ZBTB7C: variants seen among roughly 807,000 people sequenced by gnomAD.
ZBTB7C encodes zinc finger and BTB domain-containing protein 7C.
A neutral mutation model predicts 25.7 loss-of-function variants in ZBTB7C; 8 were observed. That is an observed-to-expected ratio of 0.31 (90% CI 0.18 to 0.56). The LOEUF (loss-of-function observed/expected upper bound fraction) is 0.56, where lower values mean the gene tolerates loss of function less well. Among genes scored for constraint, ZBTB7C ranks in the 20% least tolerant of loss-of-function variants. The pLI is 0.91. For synonymous variants in ZBTB7C, 394 were observed against 369.0 expected (o/e 1.07, Z -0.78); for missense variants, 824 against 855.2 (o/e 0.96, Z 0.46).
At position 48,145,913 on chromosome 18, in the gene ZBTB7C, T is replaced by G. The variant is rs190674995; in HGVS notation, c.-17+40021A>C. Among the ~76,000 whole-genome samples, 9 of 152,364 alleles carry G rather than the reference T, an allele frequency of 5.9e-5. No homozygotes were observed. The East Asian group carries it at 1.7e-3, about 29-fold the overall frequency. On this transcript the variant is annotated intron_variant, in intron 3 of 4. Transcript: ENST00000590800. ...AAACTAATCCAAATGTTTTTCAAGT[T>G]CATGTGATTTAGGTAAACCATTGGA...
intron 1 of ZBTB7C, among the ~76,000 whole-genome samples, chr18:48,383,110 C>A (rs2047669610): frequency 6.6e-6 from 1 of 152,156 alleles, no homozygotes; most frequent in South Asian, 2.1e-4. Context: ...CCTCAGAAGA[C>A]CATGAGTCCA....
chr18:48,180,495 T>C (rs2041886157), intron 3 of ZBTB7C: 2 of 375,370 alleles, frequency 5.3e-6, no homozygotes, highest in Admixed American at 6.3e-5. Context: ...GAGAGGGAAA[T>C]GAAGCAGGCA....
intron 3 of ZBTB7C, among the ~76,000 whole-genome samples, chr18:48,169,110 G>A (rs2041374164): frequency 6.6e-6 from 1 of 152,204 alleles, no homozygotes; most frequent in Non-Finnish European, 1.5e-5. Flanking sequence ...GCAGGCAAGG[G>A]CTACACAATA....
At chr18:48,039,720 C>T (rs1268924988) in intron 4 of ZBTB7C, among the ~76,000 whole-genome samples, 180 bp downstream of exon 4, 1 of 152,180 alleles carries the variant, frequency 6.6e-6, no homozygotes, top group Non-Finnish European at 1.5e-5. Flanking sequence ...TACTGCAGCC[C>T]CTAAAAAGGG....
chr18:48,247,646 A>G (rs1261289192), intron 2 of ZBTB7C, among the ~76,000 whole-genome samples: 3 of 152,140 alleles, frequency 2.0e-5, no homozygotes, highest in Admixed American at 2.0e-4. Context: ...TGATATGCTT[A>G]GGCTTTGTGT....
chr18:48,244,110 C>A (rs528051290), intron 2 of ZBTB7C, among the ~76,000 whole-genome samples: 25 of 152,248 alleles, frequency 1.6e-4, no homozygotes, highest in South Asian at 1.5e-3. Flanking sequence ...CAGACATTGG[C>A]TTAGGCACAG....
intron 2 of ZBTB7C, among the ~76,000 whole-genome samples, chr18:48,307,664 G>A (rs145610302): frequency 3.3e-5 from 5 of 152,166 alleles, no homozygotes; most frequent in East Asian, 3.9e-4. Flanking sequence ...GCTGGCCAAC[G>A]TGGTGAAACC....
chr18:48,129,961 A>T (rs1284959760), intron 3 of ZBTB7C, among the ~76,000 whole-genome samples: 1 of 152,168 alleles, frequency 6.6e-6, no homozygotes, highest in Non-Finnish European at 1.5e-5. Context: ...GGTGGGAGTC[A>T]GGAGGAGGGC....
intron 3 of ZBTB7C, chr18:48,165,164 G>A (rs1176942799): frequency 7.8e-7 from 1 of 1,281,554 alleles, no homozygotes; most frequent in African/African-American, 1.5e-5. Flanking sequence ...GAAATTTGCA[G>A]TCCAGGAAGG....
chr18:48,083,951 T>G, intron 3 of ZBTB7C: 8 of 931,156 alleles, frequency 8.6e-6, no homozygotes, highest in Non-Finnish European at 9.0e-6. Context: ...AAACACGACC[T>G]GAGACCGACT....
intron 3 of ZBTB7C, chr18:48,137,275 C>A: frequency 2.0e-6 from 2 of 985,484 alleles, no homozygotes; most frequent in Non-Finnish European, 2.4e-6. Context: ...GATCTCACCA[C>A]TCGCGCGTTA....
intron 2 of ZBTB7C, among the ~76,000 whole-genome samples, chr18:48,245,592 T>C (rs923811185): frequency 1.3e-5 from 2 of 151,646 alleles, no homozygotes; most frequent in African/African-American, 4.8e-5. Flanking sequence ...AGAAAGTATC[T>C]CAAGCATCTT....
At chr18:48,171,406 C>T (rs750223822) in intron 3 of ZBTB7C, among the ~76,000 whole-genome samples, 1 of 152,244 alleles carries the variant, frequency 6.6e-6, no homozygotes, top group Non-Finnish European at 1.5e-5. Flanking sequence ...CCAGCCCTCA[C>T]TTCCCCTACC....
At chr18:48,368,047 A>G (rs2047291496) in intron 1 of ZBTB7C, among the ~76,000 whole-genome samples, 1 of 152,122 alleles carries the variant, frequency 6.6e-6, no homozygotes, top group African/African-American at 2.4e-5. Flanking sequence ...CCAGGTTTCA[A>G]TCAAAAATTA....
At chr18:48,089,005 G>A (rs62086136) in intron 3 of ZBTB7C, among the ~76,000 whole-genome samples, 31,591 of 152,032 alleles carry the variant, frequency 0.21, 3,401 homozygotes, top group Admixed American at 0.27. Flanking sequence ...TGAAACCACA[G>A]CTTACCTGGT....
chr18:48,152,893 T>A (rs952039933), intron 3 of ZBTB7C, among the ~76,000 whole-genome samples: 7 of 152,264 alleles, frequency 4.6e-5, no homozygotes, highest in African/African-American at 1.7e-4. Flanking sequence ...GACAGCACTA[T>A]AACTTCCATT....
chr18:48,147,201 C>T (rs1449793704), intron 3 of ZBTB7C, among the ~76,000 whole-genome samples: 1 of 151,842 alleles, frequency 6.6e-6, no homozygotes, highest in Non-Finnish European at 1.5e-5. Context: ...CCTCAGCATC[C>T]CAAGTGGATA....
chr18:48,234,544 G>A (rs1009156630), intron 2 of ZBTB7C, among the ~76,000 whole-genome samples: 4 of 152,034 alleles, frequency 2.6e-5, no homozygotes, highest in African/African-American at 7.3e-5. Context: ...ACCTGCTAGG[G>A]TGCAATACGA....
At chr18:48,226,264 C>A (rs772289249) in intron 2 of ZBTB7C, among the ~76,000 whole-genome samples, 2 of 152,228 alleles carry the variant, frequency 1.3e-5, no homozygotes, top group Non-Finnish European at 2.9e-5. Flanking sequence ...ACAGGTAGAT[C>A]CCTTCATCCA....
Sources: gnomAD v4.1 joint callset for allele counts (sites outside exome capture counted in the v4.1 genomes callset) on GRCh38, gnomAD v4.1.1 for gene constraint, MANE v1.5 for transcripts, NCBI Gene and HGNC (gene_info 2026-07-23, HGNC 2026-07-21) for gene names.